ZHX2: variants seen among roughly 807,000 people sequenced by gnomAD.
ZHX2 encodes the protein zinc fingers and homeoboxes 2, also known as zinc fingers and homeoboxes protein 2.
Under a neutral mutation model 21.9 loss-of-function variants are expected in ZHX2, and 6 were observed. That is an observed-to-expected ratio of 0.27 (90% CI 0.15 to 0.54). The LOEUF (loss-of-function observed/expected upper bound fraction) is 0.54. ZHX2 is among the 20% of genes least tolerant of loss of function. The pLI is 0.95. For missense variants in ZHX2, 908 were observed against 1,090.7 expected (o/e 0.83, Z 2.36); for synonymous variants, 434 against 437.1 (o/e 0.99, Z 0.09).
At chr8:122,956,033 C>T (rs1179657037) in intron 3 of ZHX2, among the ~76,000 whole-genome samples, 7 of 152,018 alleles carry the variant, frequency 4.6e-5, no homozygotes, top group South Asian at 2.1e-4. Context: ...TTAGTAGAGA[C>T]GGGGTTTTGC....
At chr8:122,903,970 C>G (rs73711241) in intron 2 of ZHX2, among the ~76,000 whole-genome samples, 5,482 of 152,108 alleles carry the variant, frequency 0.036, 321 homozygotes, top group African/African-American at 0.13. Context: ...ATTTATAAAA[C>G]AAGCATAAGA....
chr8:122,852,545 C>T (rs1399164712), intron 1 of ZHX2, among the ~76,000 whole-genome samples: 1 of 151,936 alleles, frequency 6.6e-6, no homozygotes, highest in Non-Finnish European at 1.5e-5. Flanking sequence ...GGCAGTCTTT[C>T]CTGGGGACAG....
intron 1 of ZHX2, among the ~76,000 whole-genome samples, chr8:122,859,625 G>A (rs2130767361): frequency 6.6e-6 from 1 of 152,028 alleles, no homozygotes; most frequent in East Asian, 1.9e-4. Context: ...AGATGAGCAG[G>A]CACCAGCCTC....
chr8:122,790,409 C>T (rs1817489422), intron 1 of ZHX2, among the ~76,000 whole-genome samples: 1 of 152,136 alleles, frequency 6.6e-6, no homozygotes, highest in African/African-American at 2.4e-5. Context: ...TCTTTCCAGT[C>T]AGCACTCACT....
At chr8:122,875,996 T>C (rs566091513) in intron 2 of ZHX2, among the ~76,000 whole-genome samples, 2 of 152,330 alleles carry the variant, frequency 1.3e-5, no homozygotes, top group South Asian at 4.1e-4. Context: ...ATTTGGGTTT[T>C]GGCATCCATC....
chr8:122,861,319 C>A (rs1053292046), intron 1 of ZHX2, among the ~76,000 whole-genome samples: 1 of 152,188 alleles, frequency 6.6e-6, no homozygotes, highest in Non-Finnish European at 1.5e-5. Flanking sequence ...AATACTACTT[C>A]CACATTTTAT....
chr8:122,946,933 T>A (rs1211305272), intron 2 of ZHX2, among the ~76,000 whole-genome samples: 1 of 151,946 alleles, frequency 6.6e-6, no homozygotes, highest in Non-Finnish European at 1.5e-5. Flanking sequence ...ATCACTGAGC[T>A]GCAGTTCCCA....
intron 3 of ZHX2, among the ~76,000 whole-genome samples, chr8:122,971,969 A>C (rs1813735979): frequency 6.6e-6 from 1 of 152,196 alleles, no homozygotes; most frequent in African/African-American, 2.4e-5. Flanking sequence ...TTCCTTCTGA[A>C]GGCTGTGCAG....
chr8:122,878,744 A>T (rs556969556), intron 2 of ZHX2, among the ~76,000 whole-genome samples: 1 of 152,164 alleles, frequency 6.6e-6, no homozygotes, highest in Non-Finnish European at 1.5e-5. Flanking sequence ...AAGCACTGGG[A>T]CTGTTATTAC....
chr8:122,844,656 C>A (rs941071767), intron 1 of ZHX2, among the ~76,000 whole-genome samples: 6 of 152,136 alleles, frequency 3.9e-5, no homozygotes, highest in African/African-American at 1.4e-4. Context: ...AGACAGAGCA[C>A]CCCCATCAGC....
At chr8:122,850,419 C>T (rs1374400532) in intron 1 of ZHX2, among the ~76,000 whole-genome samples, 2 of 152,086 alleles carry the variant, frequency 1.3e-5, no homozygotes, top group Admixed American at 6.6e-5. Context: ...GGGCAGATCA[C>T]CTGAGGTCAG....
chr8:122,906,025 G>A (rs1820338963), intron 2 of ZHX2, among the ~76,000 whole-genome samples: 1 of 152,198 alleles, frequency 6.6e-6, no homozygotes, highest in Non-Finnish European at 1.5e-5. Context: ...ATTAGGGAAT[G>A]AGTTAGAAAA....
At chr8:122,835,777 G>C (rs36062207) in intron 1 of ZHX2, among the ~76,000 whole-genome samples, 94,028 of 151,988 alleles carry the variant, frequency 0.62, 29,242 homozygotes, top group Admixed American at 0.69. Context: ...GAATAAAAAG[G>C]CCTGGACATA....
chr8:122,840,896 G>A (rs954064740), intron 1 of ZHX2, among the ~76,000 whole-genome samples: 2 of 152,216 alleles, frequency 1.3e-5, no homozygotes, highest in African/African-American at 4.8e-5. Context: ...TCAGGGCAGA[G>A]TGGGAGGAAA....
At chr8:122,839,261 G>A (rs1818570629) in intron 1 of ZHX2, among the ~76,000 whole-genome samples, 1 of 152,078 alleles carries the variant, frequency 6.6e-6, no homozygotes, top group African/African-American at 2.4e-5. Flanking sequence ...GGTTGCACAA[G>A]CAATGGACAA....
At chr8:122,841,280 C>CGGTG (rs1448372062) in intron 1 of ZHX2, among the ~76,000 whole-genome samples, 1 of 152,096 alleles carries the variant, frequency 6.6e-6, no homozygotes, top group African/African-American at 2.4e-5. Context: ...GGAAGTCAGC[C>CGGTG]GGTGACTTCC....
Position 122,921,250 on chromosome 8 carries a change from T to A in ZHX2, c.-219-30042T>A, listed in dbSNP as rs574251729. ...GCACCCACAACCACACCTGGCTAAT[T>A]TTTTTGTATTTTTAGTAGAGATGGG... On this transcript the variant is annotated intron_variant, in intron 2 of 3. Coordinates refer to ENST00000314393, the MANE Select transcript of ZHX2 (RefSeq NM_014943.5). Among the ~76,000 whole-genome samples the A allele has an allele frequency of 2.6e-5, 4 of 152,100 alleles. No homozygotes were observed. In the South Asian group the frequency reaches 8.3e-4, roughly 32 times the overall value.
chr8:122,944,066 G>A (rs1812910478), intron 2 of ZHX2, among the ~76,000 whole-genome samples: 1 of 152,226 alleles, frequency 6.6e-6, no homozygotes, highest in African/African-American at 2.4e-5. Flanking sequence ...GGAAGACTAG[G>A]TTCCTTTGAT....
At chr8:122,829,744 CA>C (rs1818331706) in intron 1 of ZHX2, among the ~76,000 whole-genome samples, 1 of 152,090 alleles carries the variant, frequency 6.6e-6, no homozygotes, top group African/African-American at 2.4e-5. Flanking sequence ...TTCAGAGTGC[CA>C]AAAGGATATA....
Sources: gnomAD v4.1 joint callset for allele counts (sites outside exome capture counted in the v4.1 genomes callset) on GRCh38, gnomAD v4.1.1 for gene constraint, MANE v1.5 for transcripts, NCBI Gene and HGNC (gene_info 2026-07-23, HGNC 2026-07-21) for gene names.